Variants in DNAH6 observed in about 807,000 individuals in gnomAD.
DNAH6 encodes the protein dynein axonemal heavy chain 6.
DNAH6 carries 340 observed loss-of-function variants against 491.4 expected under a neutral mutation model. The ratio of observed to expected loss-of-function variants is 0.69; its 90% CI spans 0.63 to 0.76. The LOEUF (loss-of-function observed/expected upper bound fraction) is 0.76. DNAH6 is among the 30% of genes least tolerant of loss of function. DNAH6 has a pLI of 0.00. For missense variants in DNAH6, 4,443 were observed against 4,972.2 expected (o/e 0.89, Z 3.20); for synonymous variants, 1,603 against 1,686.1 (o/e 0.95, Z 1.21).
intron 12 of DNAH6, among the ~76,000 whole-genome samples, chr2:84,575,054 GGCCT>G (rs1682287518): frequency 6.6e-6 from 1 of 152,056 alleles, no homozygotes; most frequent in Non-Finnish European, 1.5e-5. Context: ...GGAGTACCTT[GGCCT>G]GGACTCCTAA....
At chr2:84,771,821 T>C (rs367710454) in intron 64 of DNAH6, among the ~76,000 whole-genome samples, 9 of 152,234 alleles carry the variant, frequency 5.9e-5, no homozygotes, top group African/African-American at 1.2e-4. Flanking sequence ...CTACAAGAAA[T>C]ACTAAAAGGA....
chr2:84,518,464 A>G (rs561154324), intron 2 of DNAH6, among the ~76,000 whole-genome samples: 49 of 152,364 alleles, frequency 3.2e-4, no homozygotes, highest in Admixed American at 8.5e-4. Flanking sequence ...CATGTTGAAA[A>G]TACTTAATTT....
intron 29 of DNAH6, among the ~76,000 whole-genome samples, chr2:84,628,868 T>C (rs991959549): frequency 3.3e-5 from 5 of 152,218 alleles, no homozygotes; most frequent in Admixed American, 3.3e-4. Context: ...GAATATCTAC[T>C]TAGCCACCTC....
intron 37 of DNAH6, among the ~76,000 whole-genome samples, chr2:84,666,157 C>A (rs138185397): frequency 0.012 from 1,783 of 152,236 alleles, 36 homozygotes; most frequent in African/African-American, 0.039. Context: ...ATCAAAGGGG[C>A]AGAAACTGGA....
In DNAH6 at chr2:84,528,821, G is replaced by A. The variant is rs1676860479; in HGVS notation, c.400-83G>A. On this transcript the variant is annotated intron_variant, in intron 3 of 76. Transcript: ENST00000389394. ...GACATCTCATGCAATATGGCAATTA[G>A]TCCTTGAAGGTAATATTTTGTTGCT... 3.8e-6 allele frequency: 5 copies of A among 1,314,882 alleles called. No homozygotes were observed. In the Admixed American group the frequency reaches 1.1e-4, roughly 28 times the overall value. The allele number at this position is 1,314,882 out of a possible 1,614,324, so 81.5% of individuals were successfully genotyped here.
At chr2:84,624,195 G>A in intron 26 of DNAH6, 70 bp from the exon 27 acceptor site, 3 of 1,360,058 alleles carry the variant, frequency 2.2e-6, no homozygotes, top group Non-Finnish European at 2.0e-6. Context: ...AAATTGAATG[G>A]TGAAAGAGAT....
rs1467009161 is a variant in DNAH6, at chr2:84,547,409, A to T, written c.1065+7A>T. On this transcript the variant is annotated splice_region_variant and intron_variant, in intron 6 of 76. Transcript: ENST00000389394. ...AGTCATACGGCTAGCAGAGGTAACA[A>T]ATTTTGTCTATAAGAATCAAAGCTT... 1 of 1,551,660 alleles carries T rather than the reference A, an allele frequency of 6.4e-7. No homozygotes were observed. The highest frequency in any genetic ancestry group is 8.7e-7 in the Non-Finnish European group (1 of 1,146,920).
chr2:84,593,917 A>G, intron 16 of DNAH6, 55 bp from the exon 17 acceptor site: 2 of 1,027,820 alleles, frequency 1.9e-6, no homozygotes, highest in Non-Finnish European at 2.9e-6. Flanking sequence ...AGAATAGCAT[A>G]TGCTCATTAT....
At chr2:84,798,661 A>G (rs1573844533) in intron 70 of DNAH6, among the ~76,000 whole-genome samples, 1 of 151,844 alleles carries the variant, frequency 6.6e-6, no homozygotes, top group Non-Finnish European at 1.5e-5. Flanking sequence ...TATTCCATGC[A>G]CCCCTTTGCC....
chr2:84,634,651 TG>T lies in DNAH6; in HGVS notation c.4653+13del. On this transcript the variant is annotated intron_variant, in intron 30 of 76. Coordinates refer to ENST00000389394, the MANE Select transcript of DNAH6 (RefSeq NM_001370.2). ...CGCCAAAGCGGCAAAGGTAAGGCAC[TG>T]GGCAATCGACTTTCAAGGTAGCAAT... 6.7e-7 allele frequency: 1 copy of T among 1,503,610 alleles called. No individual in the cohort carries two copies. The highest frequency in any genetic ancestry group is 8.9e-7 in the Non-Finnish European group (1 of 1,128,038). The allele number at this position is 1,503,610 out of a possible 1,614,324, so 93.1% of individuals were successfully genotyped here. A position where few individuals can be genotyped will look rare whatever the true frequency, so the allele number is the denominator to read the frequency against.
intron 42 of DNAH6, among the ~76,000 whole-genome samples, chr2:84,683,084 C>T (rs1441120488): frequency 2.0e-5 from 3 of 152,216 alleles, no homozygotes; most frequent in Non-Finnish European, 2.9e-5. Flanking sequence ...AGCTCACTTT[C>T]CCTGCTCAAA....
rs999029444 is a variant in DNAH6 at position 84,760,528 on chromosome 2, A to G, written c.10513-2227A>G. Among the ~76,000 whole-genome samples the G allele has an allele frequency of 3.3e-5, 5 of 152,314 alleles. No individual in the cohort carries two copies. The South Asian group carries it at 1.0e-3, about 32-fold the overall frequency. The stretch of plus-strand genomic sequence containing the variant: ...TAAATAGACATTTTTCAAAAGACAT[A>G]CAAATGGCTAACAGGTATATGAAAA... On this transcript the variant is annotated intron_variant, in intron 63 of 76. Coordinates refer to ENST00000389394, the MANE Select transcript of DNAH6 (RefSeq NM_001370.2).
At chr2:84,516,846 G>T (rs1675643368) in intron 1 of DNAH6, among the ~76,000 whole-genome samples, 2 of 152,168 alleles carry the variant, frequency 1.3e-5, no homozygotes, top group African/African-American at 4.8e-5. Context: ...ACCTCGTGTG[G>T]CTAGTCTGAA....
chr2:84,552,735 A>T (rs1474297797), intron 9 of DNAH6, among the ~76,000 whole-genome samples, 183 bp from the exon 10 acceptor site: 1 of 152,168 alleles, frequency 6.6e-6, no homozygotes, highest in African/African-American at 2.4e-5. Flanking sequence ...ATTGTTATGT[A>T]GTCTTTCAAT....
At chr2:84,817,650 A>G (rs748274322) in intron 76 of DNAH6, among the ~76,000 whole-genome samples, 1 of 152,156 alleles carries the variant, frequency 6.6e-6, no homozygotes, top group Non-Finnish European at 1.5e-5. Flanking sequence ...TTGTGTTGCT[A>G]TAAAGGAATA....
At chr2:84,495,351 CAG>C in the DNAH6 span, among the ~76,000 whole-genome samples, 1 of 152,082 alleles carries the variant, frequency 6.6e-6, no homozygotes, top group Non-Finnish European at 1.5e-5. Flanking sequence ...TTAGTAGAGA[CAG>C]GGTTTCACCA....
chr2:84,557,503 A>G (rs1680159182), intron 10 of DNAH6, among the ~76,000 whole-genome samples: 1 of 149,518 alleles, frequency 6.7e-6, no homozygotes, highest in Non-Finnish European at 1.5e-5. Context: ...AAAAAAAATT[A>G]GCTGGGCGCG....
intron 16 of DNAH6, among the ~76,000 whole-genome samples, chr2:84,591,343 T>C (rs1684090301): frequency 6.6e-6 from 1 of 152,090 alleles, no homozygotes; most frequent in South Asian, 2.1e-4. Flanking sequence ...CAATTTACAA[T>C]AGCATAAAAA....
intron 11 of DNAH6, among the ~76,000 whole-genome samples, chr2:84,568,893 C>T (rs1028365105): frequency 2.6e-5 from 4 of 152,150 alleles, no homozygotes; most frequent in African/African-American, 9.7e-5. Context: ...TATACCAACA[C>T]TTTCTGGTGA....
Sources: allele counts gnomAD v4.1 joint callset (sites outside exome capture counted in the v4.1 genomes callset), GRCh38; gene constraint gnomAD v4.1.1; transcripts MANE v1.5; gene names NCBI Gene and HGNC (gene_info 2026-07-23, HGNC 2026-07-21).